The following CAMTA1 variants were observed in gnomAD, a reference collection of about 807,000 sequenced individuals.
The protein encoded by CAMTA1 is calmodulin binding transcription activator 1.
A neutral mutation model predicts 170.9 loss-of-function variants in CAMTA1; 27 were observed. The observed-to-expected ratio is 0.16, with a 90% CI of 0.12 to 0.22. The LOEUF (loss-of-function observed/expected upper bound fraction) is 0.22. CAMTA1 is among the 10% of genes least tolerant of loss of function. The pLI is 1.00. For synonymous variants in CAMTA1, 833 were observed against 891.5 expected (o/e 0.93, Z 1.17); for missense variants, 1,619 against 2,217.2 (o/e 0.73, Z 5.42).
At chr1:7,197,628 C>CCA (rs3222484) in intron 4 of CAMTA1, among the ~76,000 whole-genome samples, 4,036 of 109,800 alleles carry the variant, frequency 0.037, 86 homozygotes, top group East Asian at 0.12. Flanking sequence ...TTGTCCCCCA[C>CCA]CACACACACA....
chr1:6,987,461 G>A (rs180928793), intron 3 of CAMTA1, among the ~76,000 whole-genome samples: 3 of 152,144 alleles, frequency 2.0e-5, no homozygotes, highest in South Asian at 2.1e-4. Flanking sequence ...CATCACGCCC[G>A]GCCAAAGACT....
At chr1:7,174,255 G>A (rs1429511179) in intron 4 of CAMTA1, among the ~76,000 whole-genome samples, 1 of 152,104 alleles carries the variant, frequency 6.6e-6, no homozygotes, top group Non-Finnish European at 1.5e-5. Context: ...AGCTGCAACC[G>A]CTATACATAG....
chr1:6,872,440 A>C (rs1668674913), intron 3 of CAMTA1, among the ~76,000 whole-genome samples: 1 of 152,222 alleles, frequency 6.6e-6, no homozygotes, highest in African/African-American at 2.4e-5. Context: ...AGAAAAATAC[A>C]AAGTTGCCTC....
chr1:6,808,336 C>T (rs979452565), intron 1 of CAMTA1, among the ~76,000 whole-genome samples: 3 of 152,016 alleles, frequency 2.0e-5, no homozygotes, highest in East Asian at 1.9e-4. Context: ...TCTACAGTCA[C>T]GTCACATTTT....
intron 5 of CAMTA1, among the ~76,000 whole-genome samples, chr1:7,278,768 G>A (rs886647191): frequency 2.6e-5 from 4 of 152,204 alleles, no homozygotes; most frequent in Non-Finnish European, 5.9e-5. Flanking sequence ...GGAGAGCTGC[G>A]TTGACAAGGT....
At chr1:7,707,090 T>TCAA (rs1396007920) in intron 11 of CAMTA1, among the ~76,000 whole-genome samples, 1 of 151,984 alleles carries the variant, frequency 6.6e-6, no homozygotes, top group African/African-American at 2.4e-5. Flanking sequence ...TTCACTATGT[T>TCAA]GGCCAGGCTG....
rs540011421 is a variant in CAMTA1, at chr1:7,110,721, C to T, written c.302+19350C>T. Among the ~76,000 whole-genome samples the T allele has an allele frequency of 8.8e-4, 134 of 152,302 alleles. 1 individual carries two copies. Among genetic ancestry groups the T allele is most frequent in the African/African-American group, 2.6e-3 (106 of 41,564 alleles). ...TTGTCCTCTGATCTCAGAGGGATGG[C>T]GCTGCTCCTCGGGTTCACCCGTGAT... is the stretch of plus-strand genomic sequence containing the variant. On this transcript the variant is annotated intron_variant, in intron 4 of 22. Coordinates refer to ENST00000303635, the MANE Select transcript of CAMTA1 (RefSeq NM_015215.4).
At chr1:7,238,396 G>A (rs1664275096) in intron 4 of CAMTA1, among the ~76,000 whole-genome samples, 1 of 152,100 alleles carries the variant, frequency 6.6e-6, no homozygotes, top group South Asian at 2.1e-4. Flanking sequence ...ACTCTAAAAT[G>A]GATATAAGAG....
intron 6 of CAMTA1, among the ~76,000 whole-genome samples, chr1:7,610,161 A>T (rs2095514239): frequency 6.6e-6 from 1 of 152,198 alleles, no homozygotes; most frequent in South Asian, 2.1e-4. Context: ...ATGTGCTCAC[A>T]TGGCAGTGGC....
intron 3 of CAMTA1, among the ~76,000 whole-genome samples, chr1:6,895,362 A>G (rs1263987292): frequency 6.6e-6 from 1 of 152,144 alleles, no homozygotes; most frequent in Non-Finnish European, 1.5e-5. Flanking sequence ...ATCTTTGCAC[A>G]TCTCTGCTAG....
chr1:7,118,212 A>G (rs1644445636), intron 4 of CAMTA1, among the ~76,000 whole-genome samples: 1 of 150,766 alleles, frequency 6.6e-6, no homozygotes. Context: ...ACCTGAGGGC[A>G]TTGCCTGATG....
chr1:6,818,664 G>C (rs1418511772), intron 1 of CAMTA1, among the ~76,000 whole-genome samples: 1 of 151,950 alleles, frequency 6.6e-6, no homozygotes. Flanking sequence ...TTTGAGACAG[G>C]GTTTCACTCT....
intron 6 of CAMTA1, among the ~76,000 whole-genome samples, chr1:7,619,763 C>T (rs2095584543): frequency 1.3e-5 from 2 of 151,906 alleles, no homozygotes. Flanking sequence ...GATTCTCGTG[C>T]CCCAGCCTCC....
At chr1:7,384,165 G>A (rs2087672227) in intron 5 of CAMTA1, among the ~76,000 whole-genome samples, 1 of 152,222 alleles carries the variant, frequency 6.6e-6, no homozygotes, top group East Asian at 1.9e-4. Flanking sequence ...CAGGGATGTG[G>A]GAAAAGGGGG....
intron 5 of CAMTA1, among the ~76,000 whole-genome samples, chr1:7,364,690 C>T (rs192400438): frequency 1.8e-4 from 27 of 152,162 alleles, no homozygotes; most frequent in Middle Eastern, 3.4e-3. Context: ...AGGTAGGATG[C>T]GTGAGATGCT....
chr1:7,637,584 C>T (rs1281239067), intron 6 of CAMTA1, among the ~76,000 whole-genome samples: 2 of 152,336 alleles, frequency 1.3e-5, no homozygotes, highest in African/African-American at 4.8e-5. Flanking sequence ...ACCTCTTGGG[C>T]ATACTGCAAG....
chr1:6,969,959 T>A (rs2149576081), intron 3 of CAMTA1, among the ~76,000 whole-genome samples: 2 of 152,274 alleles, frequency 1.3e-5, no homozygotes, highest in South Asian at 4.2e-4. Flanking sequence ...CTGTGTTGCT[T>A]CATGTCACAC....
chr1:6,986,645 A>C (rs1016025367), intron 3 of CAMTA1, among the ~76,000 whole-genome samples: 1 of 152,050 alleles, frequency 6.6e-6, no homozygotes, highest in Non-Finnish European at 1.5e-5. Context: ...TTGCAGAGAA[A>C]TGCCATCTTC....
intron 6 of CAMTA1, among the ~76,000 whole-genome samples, chr1:7,480,108 CGTGTGT>C (rs60946478): frequency 6.9e-6 from 1 of 145,214 alleles, no homozygotes; most frequent in Non-Finnish European, 1.5e-5. Flanking sequence ...TGTGTGAGAG[CGTGTGT>C]GTGTGTGTGA....
Sources: gnomAD v4.1 joint callset for allele counts (sites outside exome capture counted in the v4.1 genomes callset) on GRCh38, gnomAD v4.1.1 for gene constraint, MANE v1.5 for transcripts, NCBI Gene and HGNC (gene_info 2026-07-23, HGNC 2026-07-21) for gene names.